Variants in PTPRT observed in about 807,000 individuals in gnomAD.
PTPRT encodes the protein receptor-type tyrosine-protein phosphatase T.
A neutral mutation model predicts 176.8 loss-of-function variants in PTPRT; 56 were observed. That is an observed-to-expected ratio of 0.32 (90% CI 0.26 to 0.40). The LOEUF is 0.40. Among genes scored for constraint, PTPRT ranks in the 10% least tolerant of loss-of-function variants. PTPRT has a pLI of 1.00. For missense variants in PTPRT, 1,540 were observed against 1,908.2 expected (o/e 0.81, Z 3.60); for synonymous variants, 783 against 739.0 (o/e 1.06, Z -0.96).
chr20:42,624,027 A>AC (rs1325979396), intron 7 of PTPRT, among the ~76,000 whole-genome samples: 33 of 149,648 alleles, frequency 2.2e-4, no homozygotes, highest in South Asian at 8.5e-4. Flanking sequence ...AAACAAACAA[A>AC]AAAAAAAAAC....
intron 7 of PTPRT, among the ~76,000 whole-genome samples, chr20:42,473,288 T>G (rs542072620): frequency 6.6e-6 from 1 of 152,324 alleles, no homozygotes; most frequent in African/African-American, 2.4e-5. Context: ...CCTATTGATC[T>G]TGGTCCCAGA....
rs184597010 is a variant in PTPRT, at chr20:42,620,976, C to T, written c.1153+56890G>A. ...ATCTTGGCTCCTCCCCCGAAACTTT[C>T]GTTTTTAAAACCATCAGATCTCATG... is the stretch of plus-strand genomic sequence containing the variant. On this transcript the variant is annotated intron_variant, in intron 7 of 30. Transcript: ENST00000373187. Among the ~76,000 whole-genome samples the T allele has an allele frequency of 2.0e-3, 302 of 152,198 alleles. 1 individual carries two copies. The highest frequency in any genetic ancestry group is 6.8e-3 in the Middle Eastern group (2 of 294).
intron 1 of PTPRT, among the ~76,000 whole-genome samples, chr20:43,038,180 C>T (rs562212639): frequency 6.7e-6 from 1 of 149,952 alleles, no homozygotes; most frequent in South Asian, 2.1e-4. Context: ...TCACAATATA[C>T]GTATCATATT....
At chr20:43,118,885 T>C (rs775142184) in intron 1 of PTPRT, among the ~76,000 whole-genome samples, 4 of 152,226 alleles carry the variant, frequency 2.6e-5, no homozygotes, top group Non-Finnish European at 5.9e-5. Flanking sequence ...TCATAATAGA[T>C]GTTATCATTA....
rs1307756133 is a variant in PTPRT at position 42,993,536 on chromosome 20, GTGTGTGTATATATATACACATATA to G, written c.89-107628_89-107605del. On this transcript the variant is annotated intron_variant, in intron 1 of 30. Transcript: ENST00000373187. ...TGTGTGTATATATATACACATATAT[GTGTGTGTATATATATACACATATA>G]TGTGTGTGTATATATATACAATCTG... Among the ~76,000 whole-genome samples, 8 of 106,520 alleles carry G rather than the reference GTGTGTGTATATATATACACATATA, an allele frequency of 7.5e-5. 2 individuals are homozygous for G. Among genetic ancestry groups the G allele is most frequent in the African/African-American group, 2.8e-4 (6 of 21,740 alleles). 69.9% of individuals were successfully genotyped at this position (106,520 alleles called of 152,430 possible).
At chr20:42,175,362 C>T (rs575738767) in intron 16 of PTPRT, among the ~76,000 whole-genome samples, 3 of 152,160 alleles carry the variant, frequency 2.0e-5, no homozygotes, top group South Asian at 4.1e-4. Context: ...AGAATCTGTA[C>T]AGGACGTGCT....
chr20:42,201,950 C>CAT (rs372486869), intron 15 of PTPRT, among the ~76,000 whole-genome samples: 27 of 143,214 alleles, frequency 1.9e-4, no homozygotes, highest in African/African-American at 4.7e-4. Flanking sequence ...AGAAAAGTTG[C>CAT]GTGTGTGTGT....
intron 18 of PTPRT, among the ~76,000 whole-genome samples, chr20:42,129,817 A>G (rs142313947): frequency 1.5e-3 from 224 of 152,324 alleles, no homozygotes; most frequent in African/African-American, 5.3e-3. Context: ...AGGCACATTT[A>G]TTGCAATTAA....
intron 15 of PTPRT, among the ~76,000 whole-genome samples, chr20:42,204,260 G>A (rs1285587798): frequency 6.6e-6 from 1 of 151,794 alleles, no homozygotes; most frequent in Non-Finnish European, 1.5e-5. Flanking sequence ...TTCCCCCGCA[G>A]AGCCCACAAA....
chr20:42,559,426 G>T (rs771642603), intron 7 of PTPRT, among the ~76,000 whole-genome samples: 3 of 152,170 alleles, frequency 2.0e-5, no homozygotes, highest in Non-Finnish European at 4.4e-5. Flanking sequence ...TAGGTGAGCA[G>T]CAAACCTGTT....
intron 7 of PTPRT, among the ~76,000 whole-genome samples, chr20:42,630,711 G>T (rs1212423010): frequency 6.6e-6 from 1 of 152,154 alleles, no homozygotes; most frequent in African/African-American, 2.4e-5. Context: ...GAAAGAAACA[G>T]AAATATTTGC....
chr20:42,084,607 G>A, intron 29 of PTPRT, 75 bp downstream of exon 29: 1 of 1,276,906 alleles, frequency 7.8e-7, no homozygotes, highest in African/African-American at 1.5e-5. Flanking sequence ...ACTGGGGTAT[G>A]TGGCCAGCAG....
downstream of PTPRT, among the ~76,000 whole-genome samples, chr20:42,071,706 G>A (rs1982343294): frequency 6.6e-6 from 1 of 152,094 alleles, no homozygotes; most frequent in South Asian, 2.1e-4. Flanking sequence ...GCCCAGGGTG[G>A]ACTGCAGTGG....
chr20:43,030,870 C>T (rs1986112902), intron 1 of PTPRT, among the ~76,000 whole-genome samples: 1 of 152,142 alleles, frequency 6.6e-6, no homozygotes, highest in Non-Finnish European at 1.5e-5. Context: ...AGCACAAACC[C>T]ACCTTAGATC....
chr20:42,369,704 G>C (rs901673912), intron 9 of PTPRT, among the ~76,000 whole-genome samples: 1 of 152,158 alleles, frequency 6.6e-6, no homozygotes, highest in Non-Finnish European at 1.5e-5. Context: ...GTGCAGAAAG[G>C]AGGATGGGGC....
At chr20:42,422,858 G>A (rs1002234884) in intron 9 of PTPRT, among the ~76,000 whole-genome samples, 8 of 152,168 alleles carry the variant, frequency 5.3e-5, no homozygotes, top group African/African-American at 1.9e-4. Context: ...GGAATACAAT[G>A]CAGCCATAAA....
intron 7 of PTPRT, among the ~76,000 whole-genome samples, chr20:42,624,016 C>T (rs1315376888): frequency 8.9e-6 from 1 of 112,034 alleles, no homozygotes; most frequent in Non-Finnish European, 1.8e-5. Flanking sequence ...AACAAACAAA[C>T]AAACAAACAA....
At chr20:42,511,425 A>C (rs980498928) in intron 7 of PTPRT, among the ~76,000 whole-genome samples, 1 of 152,146 alleles carries the variant, frequency 6.6e-6, no homozygotes, top group African/African-American at 2.4e-5. Flanking sequence ...ACTCGAAGGA[A>C]GCCAGGACAG....
At chr20:42,863,697 C>A (rs1054224525) in intron 2 of PTPRT, among the ~76,000 whole-genome samples, 1 of 152,154 alleles carries the variant, frequency 6.6e-6, no homozygotes, top group Admixed American at 6.5e-5. Context: ...AAACTCCATC[C>A]CCTAACCTGA....
Sources: gnomAD v4.1 joint callset for allele counts (sites outside exome capture counted in the v4.1 genomes callset) on GRCh38, gnomAD v4.1.1 for gene constraint, MANE v1.5 for transcripts, NCBI Gene and HGNC (gene_info 2026-07-23, HGNC 2026-07-21) for gene names.